SLC4A2: variants seen among roughly 807,000 people sequenced by gnomAD.
SLC4A2 encodes the protein anion exchange protein 2.
In SLC4A2, 36 loss-of-function variants were observed where a neutral mutation model predicts 115.0. The observed-to-expected ratio is 0.31, with a 90% CI of 0.24 to 0.41. The LOEUF (loss-of-function observed/expected upper bound fraction) is 0.41, where lower values mean the gene tolerates loss of function less well. Ranked by LOEUF, SLC4A2 falls within the 10% of genes least tolerant of loss-of-function variation. The probability of loss-of-function intolerance (pLI) is 1.00; values close to 1 mark genes in which losing one functional copy is unlikely to be tolerated. For missense variants in SLC4A2, 1,252 were observed against 1,705.6 expected (o/e 0.73, Z 4.68); for synonymous variants, 708 against 708.3 (o/e 1.00, Z 0.01).
At chr7:151,061,764 C>G (rs1797054170) in intron 1 of SLC4A2, 161 bp from the exon 2 acceptor site, 1 of 559,800 alleles carries the variant, frequency 1.8e-6, no homozygotes, top group Non-Finnish European at 3.2e-6. Context: ...TTGTTCTTCT[C>G]TTTTCTTCCT....
Position 151,064,310 on chromosome 7 carries a change from G to T in SLC4A2, c.160G>T (p.Ala54Ser). 6.2e-7 allele frequency: 1 copy of T among 1,611,928 alleles called. No individual in the cohort carries two copies. The highest frequency in any genetic ancestry group is 1.1e-5 in the South Asian group (1 of 90,988). The change falls in exon 3 of 23, where the codon GCC becomes TCC. Residue 54 changes from alanine (A) to serine (S), a missense_variant. Physicochemically the swap from Ala to Ser is moderately conservative, Grantham distance 99. This residue lies in a region of SLC4A2 where 74 missense variants were observed against 85.3 expected (regional missense o/e 0.87). Coordinates refer to ENST00000413384, the MANE Select transcript of SLC4A2 (RefSeq NM_003040.4). ...GCGGTTTGAGGAGATCCTACAGGAG[G>T]CCGGGTCTCGTGGAGGGGAGGAGCC... ...VERFEEILQEAGSRGGEEPGR... is the reference protein window; with the variant it reads ...VERFEEILQESGSRGGEEPGR...
Position 151,071,416 on chromosome 7 carries a change from G to C in SLC4A2, c.2002G>C (p.Gly668Arg). Residue 668 changes from glycine to arginine, a missense_variant, in exon 14 of 23, where the codon GGG becomes CGG. By Grantham distance (125) the Gly-to-Arg change is moderately radical. This residue lies in a region of SLC4A2 where 122 missense variants were observed against 116.8 expected (regional missense o/e 1.04). Coordinates refer to ENST00000413384, the MANE Select transcript of SLC4A2 (RefSeq NM_003040.4). The surrounding 1 kb of genome is among the most constrained non-coding windows in gnomAD (Gnocchi z 5.5). ...KALLQMVEAA[G>R]AAEDDPLRRT... ...GCTCCTGCAGATGGTAGAGGCGGCA[G>C]GGGCAGCTGAAGATGATCCCCTTCG... The C allele has an allele frequency of 6.2e-7, 1 of 1,601,294 alleles. No homozygotes were observed.
At chr7:151,072,920 C>T (rs1797490105) in intron 16 of SLC4A2, among the ~76,000 whole-genome samples, 1 of 152,100 alleles carries the variant, frequency 6.6e-6, no homozygotes, top group Non-Finnish European at 1.5e-5. Context: ...CGCCTCGCCT[C>T]CCAAAGTGCT....
chr7:151,068,062 C>T lies in SLC4A2; in HGVS notation c.1147+8C>T, dbSNP rs368048090. On this transcript the variant is annotated splice_region_variant and intron_variant, in intron 8 of 22. Transcript: ENST00000413384. Reference sequence around the variant, plus strand: ...GCAGGACCCTGGCCCATGGTAACCCCGCTCCCCTCCACCTCCCGCCTGGCC... The same window carrying T: ...GCAGGACCCTGGCCCATGGTAACCCTGCTCCCCTCCACCTCCCGCCTGGCC... 1.0e-4 allele frequency: 148 copies of T among 1,464,414 alleles called. 1 individual carries two copies. The African/African-American group carries it at 1.4e-3, about 14-fold the overall frequency. The allele number at this position is 1,464,414 out of a possible 1,614,324, so 90.7% of individuals were successfully genotyped here. A position where few individuals can be genotyped will look rare whatever the true frequency, so the allele number is the denominator to read the frequency against.
rs148738466 is a variant in SLC4A2 at position 151,074,078 on chromosome 7, A to G, written c.2575A>G (p.Asn859Asp). The G allele has an allele frequency of 2.8e-4, 453 of 1,601,766 alleles. No homozygotes were observed. The highest frequency in any genetic ancestry group is 1.1e-3 in the Admixed American group (67 of 59,706). ...CCCCCTGCATGGCTGCTCAGCCTCC[A>G]ACAGCTCAGAGGTGGACGGCGGTGA... ...EHPLHGCSAS[N>D]SSEVDGGENM... Residue 859 changes from asparagine to aspartate, a missense_variant, in exon 17 of 23, where the codon AAC (asparagine) becomes GAC (aspartate). Coordinates refer to ENST00000413384, the MANE Select transcript of SLC4A2 (RefSeq NM_003040.4).
At chr7:151,064,419 C>T in intron 3 of SLC4A2, 52 bp downstream of exon 3, 1 of 1,552,394 alleles carries the variant, frequency 6.4e-7, no homozygotes, top group Non-Finnish European at 8.8e-7. Flanking sequence ...TTTGACTGTC[C>T]AGCAAAGAAG....
At chr7:151,061,667 G>A (rs1481445246) in intron 1 of SLC4A2, 4 of 363,202 alleles carry the variant, frequency 1.1e-5, no homozygotes, top group South Asian at 6.6e-5. Flanking sequence ...TTTTTCTTGC[G>A]GCCTTTCCCA....
chr7:151,070,605 T>C (rs1797401547), intron 11 of SLC4A2, 34 bp downstream of exon 11: 20 of 1,604,256 alleles, frequency 1.2e-5, no homozygotes, highest in Non-Finnish European at 1.6e-5. Flanking sequence ...GGGGGCTTGG[T>C]GGCCAGGCCT....
chr7:151,065,854 G>T lies in SLC4A2; in HGVS notation c.579-663G>T, dbSNP rs35228495. 3.5e-3 allele frequency among the ~76,000 whole-genome samples: 540 copies of T among 152,264 alleles called. 8 individuals carry two copies. Among genetic ancestry groups the T allele is most frequent in the African/African-American group, 0.012 (506 of 41,544 alleles). On this transcript the variant is annotated intron_variant, in intron 5 of 22. Transcript: ENST00000413384. ...GAGGGGACTCTGATGTTGAGTCAGA[G>T]CTTGGAGCTCTGGGGGCTCTTGATG...
Position 151,075,414 on chromosome 7 carries a change from T to C in SLC4A2, c.3207T>C (p.Thr1069=). 3 of 1,608,394 alleles carry C rather than the reference T, an allele frequency of 1.9e-6. No individual in the cohort carries two copies. The highest frequency in any genetic ancestry group is 2.5e-6 in the Non-Finnish European group (3 of 1,179,994). ...VRSVTHANAL[T]VMSKAVAPGD... The stretch of plus-strand genomic sequence containing the variant: ...CTGTCACTCACGCCAACGCGCTCAC[T>C]GTCATGAGCAAGGCTGTGGCACCTG... The change falls in exon 20 of 23, where the codon ACT becomes ACC. Residue 1069 remains threonine (T), a synonymous_variant. Transcript: ENST00000413384.
chr7:151,071,814 G>T lies in SLC4A2; in HGVS notation c.2317G>T (p.Val773Phe). 6.2e-7 allele frequency: 1 copy of T among 1,606,868 alleles called. No homozygotes were observed. Among genetic ancestry groups the T allele is most frequent in the Non-Finnish European group, 8.5e-7 (1 of 1,178,088 alleles). The change falls in exon 15 of 23, where the codon GTC becomes TTC. Residue 773 changes from valine (V) to phenylalanine (F), a missense_variant. Coordinates refer to ENST00000413384, the MANE Select transcript of SLC4A2 (RefSeq NM_003040.4). The surrounding 1 kb of genome is among the most constrained non-coding windows in gnomAD (Gnocchi z 5.5). ...GATCGGCTTCTCAGGGCCCCTGCTG[G>T]TCTTTGAGGAGGCCTTCTTCTCGGT... ...LVIGFSGPLL[V>F]FEEAFFSFCS...
chr7:151,063,274 C>G (rs1186882405), intron 2 of SLC4A2: 1 of 1,057,026 alleles, frequency 9.5e-7, no homozygotes, highest in Non-Finnish European at 1.3e-6. Flanking sequence ...TGGGGGAGCT[C>G]TCCTGGGGGC....
chr7:151,067,901 C>T lies in SLC4A2; in HGVS notation c.994C>T (p.Leu332=). 6.2e-7 allele frequency: 1 copy of T among 1,612,456 alleles called. No individual in the cohort carries two copies. Among genetic ancestry groups the T allele is most frequent in the Non-Finnish European group, 8.5e-7 (1 of 1,179,572 alleles). The change falls in exon 8 of 23, where the codon CTG becomes TTG. Residue 332 remains leucine, a synonymous_variant. Transcript: ENST00000413384. ...GTTTGTGGAGCTGAATGAGTTGCTC[C>T]TGGACAAAAACCAGGAGCCCCAGTG... ...EVFVELNELL[L]DKNQEPQWRE... is the part of the protein sequence containing the mutation.
rs1230994161 is a variant in SLC4A2, at chr7:151,060,287, C to G, written c.-64+525C>G. 1 of 152,380 alleles carries G rather than the reference C, an allele frequency of 6.6e-6. No individual in the cohort carries two copies. The highest frequency in any genetic ancestry group is 1.5e-5 in the Non-Finnish European group (1 of 68,182). 9.4% of individuals were successfully genotyped at this position (152,380 alleles called of 1,614,324 possible). On this transcript the variant is annotated intron_variant, in intron 1 of 22. Coordinates refer to ENST00000413384, the MANE Select transcript of SLC4A2 (RefSeq NM_003040.4). This position sits in a 1 kb window ranked among gnomAD's most constrained non-coding sequence, Gnocchi z 5.9. ...AGCCCGGAGAGTTGGACCTGACTCC[C>G]GGGGTCGGTTTGTCCAGGCGGGAAG... is the stretch of plus-strand genomic sequence containing the variant.
Position 151,070,464 on chromosome 7 carries a change from T to C in SLC4A2, c.1457T>C (p.Leu486Pro), listed in dbSNP as rs968024406. 35 of 1,612,204 alleles carry C rather than the reference T, an allele frequency of 2.2e-5. No individual in the cohort carries two copies. Among genetic ancestry groups the C allele is most frequent in the Non-Finnish European group, 2.9e-5 (34 of 1,179,392 alleles). ...CCTGTCTGTGTCCCCCAGCGTGAGC[T>C]GCCGCCTCCAGCACCACCAGCTGGC... ...TRLEVERERE[L>P]PPPAPPAGIT... The change falls in exon 11 of 23, where the codon CTG becomes CCG. Residue 486 changes from leucine to proline, a missense_variant. Leu to Pro is a moderately conservative substitution (Grantham distance 98). Transcript: ENST00000413384.
rs767889024 is a variant in SLC4A2, at chr7:151,074,232, G to A, written c.2729G>A (p.Gly910Asp). The A allele has an allele frequency of 1.2e-6, 2 of 1,612,708 alleles. No homozygotes were observed. Among genetic ancestry groups the A allele is most frequent in the East Asian group, 2.2e-5 (1 of 44,896 alleles). ...CTGCTGTCGCTGGTGCTCATGGCCG[G>A]CACCTTCTTCATCGCCTTCTTCCTG... ...TALLSLVLMA[G>D]TFFIAFFLRK... is the part of the protein sequence containing the mutation. Residue 910 changes from glycine (G) to aspartate (D), a missense_variant, in exon 17 of 23, where the codon GGC (glycine) becomes GAC (aspartate). Gly to Asp is a moderately conservative substitution (Grantham distance 94). Transcript: ENST00000413384.
chr7:151,062,422 C>A, intron 2 of SLC4A2: 3 of 887,758 alleles, frequency 3.4e-6, no homozygotes, highest in Admixed American at 3.3e-5. Flanking sequence ...CGACTGGCCA[C>A]GCCCCCTGCC....
chr7:151,074,193 A>T lies in SLC4A2; in HGVS notation c.2690A>T (p.Gln897Leu), dbSNP rs773247185. The T allele has an allele frequency of 1.2e-6, 2 of 1,613,080 alleles. No homozygotes were observed. Among genetic ancestry groups the T allele is most frequent in the South Asian group, 2.2e-5 (2 of 91,080 alleles). ...TCTGGGCAGGGGAAGCCCCGGGGCC[A>T]GCCCAACACGGCCCTGCTGTCGCTG... Reference protein sequence around the residue: ...GQSGQGKPRGQPNTALLSLVL... With the variant: ...GQSGQGKPRGLPNTALLSLVL... Residue 897 changes from glutamine to leucine, a missense_variant, in exon 17 of 23, where the codon CAG becomes CTG. Around this residue, in one of 14 missense-constraint regions of SLC4A2, gnomAD observed 55 missense variants for 48.6 expected, o/e 1.13. Coordinates refer to ENST00000413384, the MANE Select transcript of SLC4A2 (RefSeq NM_003040.4).
At chr7:151,065,960 G>A (rs34775896) in intron 5 of SLC4A2, among the ~76,000 whole-genome samples, 44 of 152,296 alleles carry the variant, frequency 2.9e-4, no homozygotes, top group African/African-American at 6.7e-4. Flanking sequence ...AGAAGCTGGC[G>A]TCTGTGAAGC....
Sources: gnomAD v4.1 joint callset for allele counts (sites outside exome capture counted in the v4.1 genomes callset) on GRCh38, gnomAD v4.1.1 for gene constraint, gnomAD v4.1.1 regional missense constraint, Gnocchi (gnomAD v3.1) non-coding constraint, MANE v1.5 for transcripts, NCBI Gene and HGNC (gene_info 2026-07-23, HGNC 2026-07-21) for gene names.